SLC38A12: variants seen among roughly 807,000 people sequenced by gnomAD.
SLC38A12 encodes solute carrier family 38 member 12, also known as putative sodium-coupled neutral amino acid transporter 12.
the SLC38A12 span, chr17:74,795,488 C>A: frequency 1.3e-6 from 2 of 1,596,420 alleles, no homozygotes; most frequent in Admixed American, 1.7e-5. Flanking sequence ...CAGGCGGCCT[C>A]GCTGAGCCTG....
chr17:74,836,896 A>T, the SLC38A12 span: 1 of 1,364,702 alleles, frequency 7.3e-7, no homozygotes, highest in Non-Finnish European at 9.4e-7. The surrounding 1 kb of genome is among the most constrained non-coding windows in gnomAD (Gnocchi z 4.2). Context: ...CAGCTCTCCC[A>T]CCAGGTCCTT....
chr17:74,838,233 G>T, the SLC38A12 span: 95 of 985,616 alleles, frequency 9.6e-5, no homozygotes, highest in Non-Finnish European at 1.1e-4. Context: ...TTGTCCCCAC[G>T]TGTCACTTTC....
At chr17:74,791,762 G>A in the SLC38A12 span, among the ~76,000 whole-genome samples, 1 of 152,234 alleles carries the variant, frequency 6.6e-6, no homozygotes, top group Non-Finnish European at 1.5e-5. Context: ...CCATAAGGGA[G>A]CCACCCAACT....
chr17:74,789,099 G>A, the SLC38A12 span, among the ~76,000 whole-genome samples: 3 of 152,128 alleles, frequency 2.0e-5, no homozygotes, highest in African/African-American at 4.8e-5. Flanking sequence ...ACCCACACCC[G>A]CACCCAGCTC....
At chr17:74,820,565 G>A in the SLC38A12 span, among the ~76,000 whole-genome samples, 3 of 152,368 alleles carry the variant, frequency 2.0e-5, no homozygotes, top group South Asian at 2.1e-4. Context: ...TCTGTGGCCA[G>A]CACGGCTTTG....
chr17:74,796,179 G>A, the SLC38A12 span, among the ~76,000 whole-genome samples: 3 of 152,170 alleles, frequency 2.0e-5, no homozygotes, highest in East Asian at 5.8e-4. Context: ...GTTGGTGGGG[G>A]GCAGGGAGCT....
chr17:74,836,348 C>G, the SLC38A12 span: 1 of 1,612,782 alleles, frequency 6.2e-7, no homozygotes, highest in Non-Finnish European at 8.5e-7. The surrounding 1 kb of genome is among the most constrained non-coding windows in gnomAD (Gnocchi z 4.2). Context: ...AGACACTCTT[C>G]CACCGCGAGG....
At chr17:74,797,023 G>T in the SLC38A12 span, among the ~76,000 whole-genome samples, 1 of 152,204 alleles carries the variant, frequency 6.6e-6, no homozygotes, top group African/African-American at 2.4e-5. Flanking sequence ...ATGGTGGCAT[G>T]TTCAGGGCAG....
the SLC38A12 span, among the ~76,000 whole-genome samples, chr17:74,790,773 A>T: frequency 0.55 from 70,509 of 127,412 alleles, 17,182 homozygotes; most frequent in Non-Finnish European, 0.59. Context: ...GAATTCCCTT[A>T]AAAAAAAAAA....
At chr17:74,783,333 A>G in the SLC38A12 span, among the ~76,000 whole-genome samples, 8 of 152,356 alleles carry the variant, frequency 5.3e-5, no homozygotes, top group South Asian at 1.7e-3. Flanking sequence ...TAACAGGGAA[A>G]AGAGAAATAT....
the SLC38A12 span, among the ~76,000 whole-genome samples, chr17:74,802,018 A>C: frequency 6.6e-6 from 1 of 151,752 alleles, no homozygotes; most frequent in Non-Finnish European, 1.5e-5. Flanking sequence ...CTCCTGTCTG[A>C]GCACGGCCCC....
At chr17:74,778,815 T>C in the SLC38A12 span, among the ~76,000 whole-genome samples, 179 of 152,060 alleles carry the variant, frequency 1.2e-3, no homozygotes, top group African/African-American at 4.0e-3. Flanking sequence ...ACTACAGGCA[T>C]GCACCACCCT....
chr17:74,837,623 G>A, the SLC38A12 span: 2 of 985,384 alleles, frequency 2.0e-6, no homozygotes, highest in African/African-American at 1.7e-5. Flanking sequence ...ACTAAAAGCG[G>A]CTCCCTTAGG....
At chr17:74,777,686 G>A in the SLC38A12 span, 1 of 1,158,716 alleles carries the variant, frequency 8.6e-7, no homozygotes, top group Non-Finnish European at 1.2e-6. Flanking sequence ...TTGGGAGGCT[G>A]AAGCGGGCAG....
the SLC38A12 span, among the ~76,000 whole-genome samples, chr17:74,811,875 A>AT: frequency 2.0e-5 from 3 of 151,876 alleles, no homozygotes; most frequent in African/African-American, 4.8e-5. Context: ...TCTGCAAAAA[A>AT]AATAATAATA....
At chr17:74,836,502 G>A in the SLC38A12 span, 72 of 1,611,912 alleles carry the variant, frequency 4.5e-5, 1 homozygote, top group African/African-American at 6.3e-4. The surrounding 1 kb of genome is among the most constrained non-coding windows in gnomAD (Gnocchi z 4.2). Flanking sequence ...CATCCAGTAC[G>A]TCATCCCCGC....
At chr17:74,812,990 T>G in the SLC38A12 span, among the ~76,000 whole-genome samples, 3 of 152,120 alleles carry the variant, frequency 2.0e-5, no homozygotes, top group Non-Finnish European at 2.9e-5. Context: ...CCAAAAAAGC[T>G]TCATATTTTT....
chr17:74,795,184 A>G, the SLC38A12 span: 59 of 1,283,662 alleles, frequency 4.6e-5, no homozygotes, highest in Non-Finnish European at 4.0e-5. Flanking sequence ...CAGAGTGTCC[A>G]GGGGAGAAGC....
the SLC38A12 span, chr17:74,790,998 T>C: frequency 6.2e-7 from 1 of 1,613,936 alleles, no homozygotes; most frequent in Non-Finnish European, 8.5e-7. Context: ...ACAGACCGGG[T>C]GGAAATGGGA....
Sources: gnomAD v4.1 joint callset for allele counts (sites outside exome capture counted in the v4.1 genomes callset) on GRCh38, gnomAD v4.1.1 for gene constraint, Gnocchi (gnomAD v3.1) non-coding constraint, MANE v1.5 for transcripts, NCBI Gene and HGNC (gene_info 2026-07-23, HGNC 2026-07-21) for gene names.